Variants in RABGAP1L observed in about 807,000 individuals in gnomAD.
RABGAP1L encodes rab GTPase-activating protein 1-like.
RABGAP1L carries 63 observed loss-of-function variants against 137.7 expected under a neutral mutation model. The observed-to-expected ratio is 0.46, with a 90% CI of 0.37 to 0.56. RABGAP1L has a LOEUF of 0.56. Among genes scored for constraint, RABGAP1L ranks in the 20% least tolerant of loss-of-function variants. The pLI is 0.00. For synonymous variants in RABGAP1L, 431 were observed against 433.7 expected (o/e 0.99, Z 0.08); for missense variants, 1,095 against 1,244.0 (o/e 0.88, Z 1.80).
chr1:174,722,895 A>T (rs548692281), intron 17 of RABGAP1L, among the ~76,000 whole-genome samples: 2 of 152,274 alleles, frequency 1.3e-5, no homozygotes, highest in Admixed American at 1.3e-4. Flanking sequence ...ACCCTCAGCC[A>T]ATATTTTGGC....
rs575448858 is a variant in RABGAP1L at position 174,819,548 on chromosome 1, A to C, written c.2340+7588A>C. Among the ~76,000 whole-genome samples, 47 of 152,342 alleles carry C rather than the reference A, an allele frequency of 3.1e-4. No homozygotes were observed. The South Asian group carries it at 9.1e-3, about 30-fold the overall frequency. On this transcript the variant is annotated intron_variant, in intron 19 of 25. Transcript: ENST00000681986. ...TTCAGAAGAGATATAATAAAGATAT[A>C]TGAGAGCAAAGAGCAAAGGAACCTG...
At chr1:174,421,407 C>G (rs961056907) in intron 13 of RABGAP1L, among the ~76,000 whole-genome samples, 11 of 152,080 alleles carry the variant, frequency 7.2e-5, no homozygotes, top group Non-Finnish European at 1.0e-4. Flanking sequence ...GCTGAAGAAC[C>G]CTTTTTAAAA....
intron 19 of RABGAP1L, chr1:174,877,675 G>A (rs1653370800): frequency 6.8e-7 from 1 of 1,462,878 alleles, no homozygotes; most frequent in East Asian, 2.3e-5. Context: ...TACTCCTGTA[G>A]CAACTGAGGC....
intron 13 of RABGAP1L, among the ~76,000 whole-genome samples, chr1:174,433,387 A>G (rs1221142916): frequency 1.3e-5 from 2 of 152,224 alleles, no homozygotes; most frequent in African/African-American, 4.8e-5. Flanking sequence ...ATTTTGTTTT[A>G]AACACATATT....
rs531094446 is a variant in RABGAP1L at position 174,260,893 on chromosome 1, G to T, written c.986+8303G>T. On this transcript the variant is annotated intron_variant, in intron 7 of 25. Coordinates refer to ENST00000681986, the MANE Select transcript of RABGAP1L (RefSeq NM_001366446.1). ...TTTCAGTCTTTGCCATTAGTGCTCT[G>T]TCTAGTTGATTTTTTTTTTTGCCAA... is the stretch of plus-strand genomic sequence containing the variant. Among the ~76,000 whole-genome samples, 310 of 150,080 alleles carry T rather than the reference G, an allele frequency of 2.1e-3. 4 individuals are homozygous for T. The highest frequency in any genetic ancestry group is 4.2e-3 in the Admixed American group (64 of 15,202).
chr1:174,939,285 G>A (rs1665426562), intron 19 of RABGAP1L, among the ~76,000 whole-genome samples: 1 of 152,178 alleles, frequency 6.6e-6, no homozygotes, highest in Non-Finnish European at 1.5e-5. Flanking sequence ...GCCAGGTGTA[G>A]TGGCTCATGC....
At chr1:174,533,190 C>T (rs371507538) in intron 13 of RABGAP1L, among the ~76,000 whole-genome samples, 17 of 152,254 alleles carry the variant, frequency 1.1e-4, no homozygotes, top group East Asian at 3.9e-4. Context: ...GCCAAGATCG[C>T]GCCACTGCAC....
At chr1:174,362,568 T>C (rs1353412718) in intron 11 of RABGAP1L, among the ~76,000 whole-genome samples, 1 of 152,242 alleles carries the variant, frequency 6.6e-6, no homozygotes, top group Admixed American at 6.5e-5. Context: ...CTTGGCCCCA[T>C]GTATGTCTTT....
At chr1:174,348,470 AT>A in intron 11 of RABGAP1L, among the ~76,000 whole-genome samples, 1 of 145,304 alleles carries the variant, frequency 6.9e-6, no homozygotes, top group African/African-American at 2.5e-5. Context: ...TTTTTAATTT[AT>A]TTTTTTATTG....
chr1:174,536,602 G>C (rs1001545677), intron 13 of RABGAP1L, among the ~76,000 whole-genome samples: 2 of 152,030 alleles, frequency 1.3e-5, no homozygotes, highest in African/African-American at 4.8e-5. Flanking sequence ...AAAATTTTTA[G>C]ATCAAGCTGA....
At chr1:174,642,340 T>G (rs866158670) in intron 14 of RABGAP1L, among the ~76,000 whole-genome samples, 5 of 152,242 alleles carry the variant, frequency 3.3e-5, no homozygotes, top group Middle Eastern at 3.4e-3. Context: ...GGATTTATTA[T>G]AAAAACTAGA....
intron 20 of RABGAP1L, chr1:174,958,204 C>A (rs1343663147): frequency 3.0e-6 from 4 of 1,346,290 alleles, no homozygotes; most frequent in Non-Finnish European, 2.0e-6. Flanking sequence ...GTGTTTGTTG[C>A]AACATTTATT....
rs781456546 is a variant in RABGAP1L, at chr1:174,516,419, A to G, written c.1711-120956A>G. 6.8e-4 allele frequency among the ~76,000 whole-genome samples: 104 copies of G among 152,176 alleles called. 1 individual carries two copies. Among genetic ancestry groups the G allele is most frequent in the African/African-American group, 2.3e-3 (96 of 41,514 alleles). Reference sequence around the variant, plus strand: ...TTTTTGTAGAGATGGGGGTCTTCCTATGTTGTCTAGGCTGGTCTTGAACTC... The same window carrying G: ...TTTTTGTAGAGATGGGGGTCTTCCTGTGTTGTCTAGGCTGGTCTTGAACTC... On this transcript the variant is annotated intron_variant, in intron 13 of 25. Transcript: ENST00000681986.
At chr1:174,216,445 ATAAAG>A (rs940657100) in intron 1 of RABGAP1L, among the ~76,000 whole-genome samples, 13 of 152,216 alleles carry the variant, frequency 8.5e-5, no homozygotes, top group African/African-American at 2.7e-4. Context: ...AAAATTAAAA[ATAAAG>A]GAGTAAAAAA....
intron 20 of RABGAP1L, among the ~76,000 whole-genome samples, 184 bp from the exon 21 acceptor site, chr1:174,969,093 T>A (rs934709644): frequency 6.6e-6 from 1 of 152,212 alleles, no homozygotes; most frequent in African/African-American, 2.4e-5. Flanking sequence ...GAGAACCGCA[T>A]CTGCATTGCT....
intron 18 of RABGAP1L, among the ~76,000 whole-genome samples, chr1:174,808,000 A>T (rs1461132793): frequency 7.8e-5 from 11 of 141,136 alleles, no homozygotes; most frequent in Admixed American, 7.1e-4. Context: ...TTTTTTTGAG[A>T]TGGAGTCTCA....
At chr1:174,367,315 G>A (rs1684728869) in intron 11 of RABGAP1L, 1 of 154,346 alleles carries the variant, frequency 6.5e-6, no homozygotes, top group Non-Finnish European at 1.4e-5. Flanking sequence ...ATTAATCATG[G>A]TTTCTCAGTT....
At chr1:174,720,055 A>G (rs149790309) in intron 17 of RABGAP1L, among the ~76,000 whole-genome samples, 15 of 152,098 alleles carry the variant, frequency 9.9e-5, no homozygotes, top group Admixed American at 7.2e-4. Flanking sequence ...TTCAAAACTT[A>G]CTACAAAGCT....
chr1:174,866,039 A>G (rs1651143249), intron 19 of RABGAP1L, among the ~76,000 whole-genome samples: 1 of 150,440 alleles, frequency 6.6e-6, no homozygotes, highest in Non-Finnish European at 1.5e-5. Context: ...ATAGTTTAGG[A>G]CAAAAATGAT....
Sources: gnomAD v4.1 joint callset for allele counts (sites outside exome capture counted in the v4.1 genomes callset) on GRCh38, gnomAD v4.1.1 for gene constraint, MANE v1.5 for transcripts, NCBI Gene and HGNC (gene_info 2026-07-23, HGNC 2026-07-21) for gene names.